SLC8A3: variants seen among roughly 807,000 people sequenced by gnomAD.
The protein encoded by SLC8A3 is sodium/calcium exchanger 3.
Under a neutral mutation model 65.4 loss-of-function variants are expected in SLC8A3, and 37 were observed. That is an observed-to-expected ratio of 0.57 (90% CI 0.44 to 0.74). SLC8A3 has a LOEUF of 0.74. Among genes scored for constraint, SLC8A3 ranks in the 30% least tolerant of loss-of-function variants. SLC8A3 has a pLI of 0.00. For missense variants in SLC8A3, 1,112 were observed against 1,172.1 expected, an observed-to-expected ratio of 0.95 and a Z score of 0.75; for synonymous variants, 461 against 444.5, an observed-to-expected ratio of 1.04 and a Z score of -0.47.
At position 70,167,513 on chromosome 14, in the gene SLC8A3, G is replaced by T; in HGVS notation, c.910C>A (p.Leu304Met). ...SHFLDGNLVP[L>M]EGKEVDESRR... ...GACTCATCCACTTCCTTCCCTTCCA[G>T]GGGCACCAGGTTCCCATCTAGAAAA... Residue 304 changes from leucine to methionine, a missense_variant, in exon 2 of 7, where the codon CTG (leucine) becomes ATG (methionine). Leu to Met is a conservative substitution (Grantham distance 15). Coordinates refer to ENST00000356921, the MANE Select transcript of SLC8A3 (RefSeq NM_182932.3). 6.2e-7 allele frequency: 1 copy of T among 1,613,906 alleles called. No homozygotes were observed. The highest frequency in any genetic ancestry group is 8.5e-7 in the Non-Finnish European group (1 of 1,180,010).
intron 2 of SLC8A3, among the ~76,000 whole-genome samples, chr14:70,125,037 C>T (rs1039816139): frequency 2.0e-5 from 3 of 152,172 alleles, no homozygotes; most frequent in Non-Finnish European, 2.9e-5. Flanking sequence ...TAACACAGTG[C>T]CTTGCACACA....
chr14:70,069,631 G>A (rs1889815878), intron 2 of SLC8A3, among the ~76,000 whole-genome samples: 2 of 152,016 alleles, frequency 1.3e-5, no homozygotes, highest in South Asian at 2.1e-4. Flanking sequence ...CCCCTGCCAG[G>A]TTTCTGGCTC....
chr14:70,112,511 A>T (rs763815705), intron 2 of SLC8A3, among the ~76,000 whole-genome samples: 2 of 152,200 alleles, frequency 1.3e-5, no homozygotes, highest in African/African-American at 4.8e-5. Context: ...GCTTCCTGTC[A>T]TCTCAAAGCC....
chr14:70,164,075 G>T (rs1412932292), intron 2 of SLC8A3, among the ~76,000 whole-genome samples: 4 of 152,156 alleles, frequency 2.6e-5, no homozygotes, highest in African/African-American at 9.7e-5. Flanking sequence ...ACTATGAAGA[G>T]TCTTGTTTCC....
At chr14:70,135,993 A>G (rs1895173263) in intron 2 of SLC8A3, among the ~76,000 whole-genome samples, 1 of 152,222 alleles carries the variant, frequency 6.6e-6, no homozygotes, top group African/African-American at 2.4e-5. Context: ...ACATGTATCC[A>G]ATATCTCATG....
chr14:70,101,087 C>A (rs1330295028), intron 2 of SLC8A3, among the ~76,000 whole-genome samples: 1 of 152,134 alleles, frequency 6.6e-6, no homozygotes, highest in Admixed American at 6.5e-5. Context: ...ATACTGCATA[C>A]CTACTAGGTG....
intron 3 of SLC8A3, among the ~76,000 whole-genome samples, chr14:70,057,026 T>C (rs958760787): frequency 2.0e-5 from 3 of 152,122 alleles, no homozygotes; most frequent in Non-Finnish European, 2.9e-5. Context: ...TAGAGATTGC[T>C]GAGGAAGGAG....
chr14:70,105,447 A>G (rs1892806751), intron 2 of SLC8A3, among the ~76,000 whole-genome samples: 1 of 152,352 alleles, frequency 6.6e-6, no homozygotes, highest in East Asian at 1.9e-4. Flanking sequence ...TCAAAGGCTA[A>G]TATAGGAATA....
intron 2 of SLC8A3, among the ~76,000 whole-genome samples, chr14:70,149,456 G>C (rs1258472559): frequency 1.3e-5 from 2 of 152,162 alleles, no homozygotes; most frequent in African/African-American, 4.8e-5. Context: ...CAGGCTTGTG[G>C]TTTTCATCAC....
In SLC8A3 at chr14:70,077,950, A is replaced by G. The variant is rs117657497; in HGVS notation, c.1785-17011T>C. On this transcript the variant is annotated intron_variant, in intron 2 of 6. Coordinates refer to ENST00000356921, the MANE Select transcript of SLC8A3 (RefSeq NM_182932.3). ...AGCCAATACTCATTTCAAGCAGGACATTTACATATTCCTGTCCTATTGATG... is the reference window on the plus strand; with the variant it reads ...AGCCAATACTCATTTCAAGCAGGACGTTTACATATTCCTGTCCTATTGATG... 3.3e-5 allele frequency among the ~76,000 whole-genome samples: 5 copies of G among 152,356 alleles called. No individual in the cohort carries two copies. In the East Asian group the frequency reaches 9.6e-4, roughly 29 times the overall value.
At chr14:70,056,976 G>A (rs759820765) in intron 3 of SLC8A3, among the ~76,000 whole-genome samples, 2 of 152,162 alleles carry the variant, frequency 1.3e-5, no homozygotes, top group Non-Finnish European at 2.9e-5. Flanking sequence ...AAAGGTCTGG[G>A]AAGAGCTTGC....
chr14:70,156,244 A>C (rs1455099574), intron 2 of SLC8A3, among the ~76,000 whole-genome samples: 2 of 152,226 alleles, frequency 1.3e-5, no homozygotes, highest in Admixed American at 1.3e-4. Flanking sequence ...TCATCCAGGG[A>C]ATAGAAAAAG....
chr14:70,096,195 T>G (rs374394682), intron 2 of SLC8A3, among the ~76,000 whole-genome samples: 1 of 152,196 alleles, frequency 6.6e-6, no homozygotes, highest in Non-Finnish European at 1.5e-5. Flanking sequence ...ATATATCTTA[T>G]ATATTCAACT....
intron 2 of SLC8A3, among the ~76,000 whole-genome samples, chr14:70,157,023 A>G (rs1265363814): frequency 6.6e-6 from 1 of 152,246 alleles, no homozygotes; most frequent in Non-Finnish European, 1.5e-5. Flanking sequence ...TGCCACAAGC[A>G]TCATTCACTA....
chr14:70,061,370 C>T lies in SLC8A3; in HGVS notation c.1785-431G>A, dbSNP rs974109477. On this transcript the variant is annotated intron_variant, in intron 2 of 6. Coordinates refer to ENST00000356921, the MANE Select transcript of SLC8A3 (RefSeq NM_182932.3). ...CTGGGCAACAGGTAAACTACTAACC[C>T]ACTGGGAATAACCCAGGGTCTTCCC... is the stretch of plus-strand genomic sequence containing the variant. Among the ~76,000 whole-genome samples the T allele has an allele frequency of 1.3e-5, 2 of 152,152 alleles. 1 individual carries two copies. Among genetic ancestry groups the T allele is most frequent in the Admixed American group, 1.3e-4 (2 of 15,282 alleles).
rs1318595971 is a variant in SLC8A3, at chr14:70,045,790, G to A, written c.*157C>T. 6 of 642,140 alleles carry A rather than the reference G, an allele frequency of 9.3e-6. No individual in the cohort carries two copies. Among genetic ancestry groups the A allele is most frequent in the African/African-American group, 1.8e-5 (1 of 54,890 alleles). The allele number at this position is 642,140 out of a possible 1,614,324, so 39.8% of individuals were successfully genotyped here. On this transcript the variant is annotated 3_prime_UTR_variant, in exon 7 of 7. Coordinates refer to ENST00000356921, the MANE Select transcript of SLC8A3 (RefSeq NM_182932.3). ...GATTGATTAAGACTTTGCCCTTTCA[G>A]TTAATTGCCAGGGCCTAAGTTGGGT...
At chr14:70,049,151 C>T (rs2139700665) in intron 5 of SLC8A3, 109 bp from the exon 6 acceptor site, 1 of 1,115,502 alleles carries the variant, frequency 9.0e-7, no homozygotes, top group East Asian at 2.4e-5. Context: ...GAAGGGGACT[C>T]CAGCTGTCTT....
At chr14:70,161,990 G>A (rs898612317) in intron 2 of SLC8A3, among the ~76,000 whole-genome samples, 1 of 152,210 alleles carries the variant, frequency 6.6e-6, no homozygotes, top group African/African-American at 2.4e-5. Context: ...AACTATGCCT[G>A]TCACCTTTTC....
At chr14:70,150,733 C>T (rs1230979652) in intron 2 of SLC8A3, among the ~76,000 whole-genome samples, 1 of 152,190 alleles carries the variant, frequency 6.6e-6, no homozygotes, top group Non-Finnish European at 1.5e-5. Flanking sequence ...GCAGGTAACA[C>T]ACCTGTAGCT....
Sources: allele counts gnomAD v4.1 joint callset (sites outside exome capture counted in the v4.1 genomes callset), GRCh38; gene constraint gnomAD v4.1.1; transcripts MANE v1.5; gene names NCBI Gene and HGNC (gene_info 2026-07-23, HGNC 2026-07-21).